Variants in GRM3 observed in about 807,000 individuals in gnomAD.
GRM3 encodes the protein metabotropic glutamate receptor 3.
A neutral mutation model predicts 70.5 loss-of-function variants in GRM3; 26 were observed. The ratio of observed to expected loss-of-function variants is 0.37; its 90% CI spans 0.27 to 0.51. GRM3 has a LOEUF of 0.51. Among genes scored for constraint, GRM3 ranks in the 20% least tolerant of loss-of-function variants. GRM3 has a pLI of 0.93. For synonymous variants in GRM3, 443 were observed against 434.9 expected, an observed-to-expected ratio of 1.02 and a Z score of -0.23; for missense variants, 859 against 1,123.8, an observed-to-expected ratio of 0.76 and a Z score of 3.37.
At chr7:86,757,556 A>AG (rs891214833) in intron 1 of GRM3, among the ~76,000 whole-genome samples, 3 of 152,174 alleles carry the variant, frequency 2.0e-5, no homozygotes, top group Non-Finnish European at 2.9e-5. Flanking sequence ...TATGTCTGCC[A>AG]GGCCTCACTG....
intron 3 of GRM3, among the ~76,000 whole-genome samples, chr7:86,792,245 C>T (rs1226212305): frequency 6.6e-6 from 1 of 152,176 alleles, no homozygotes; most frequent in African/African-American, 2.4e-5. Flanking sequence ...GATGAGCTTG[C>T]CCCTACTTCT....
intron 1 of GRM3, among the ~76,000 whole-genome samples, chr7:86,719,356 A>T (rs537249340): frequency 6.6e-6 from 1 of 152,074 alleles, no homozygotes; most frequent in African/African-American, 2.4e-5. Context: ...CTATTTAGCA[A>T]AATTTTGATC....
At chr7:86,678,910 G>T (rs1794372182) in intron 1 of GRM3, among the ~76,000 whole-genome samples, 1 of 151,978 alleles carries the variant, frequency 6.6e-6, no homozygotes, top group Non-Finnish European at 1.5e-5. Flanking sequence ...TATGGTACAT[G>T]GTTTTTAGGC....
At chr7:86,686,912 C>G (rs1794581512) in intron 1 of GRM3, among the ~76,000 whole-genome samples, 1 of 151,678 alleles carries the variant, frequency 6.6e-6, no homozygotes, top group African/African-American at 2.4e-5. Context: ...ACCTGAAATT[C>G]ATAAATGCAT....
At chr7:86,800,292 A>T (rs1013042262) in intron 3 of GRM3, among the ~76,000 whole-genome samples, 2 of 152,234 alleles carry the variant, frequency 1.3e-5, no homozygotes, top group African/African-American at 4.8e-5. Context: ...CCAAGATCGG[A>T]GAGGAACTGA....
In GRM3 at chr7:86,714,882, G is replaced by A. The variant is rs147929485; in HGVS notation, c.-140-50124G>A. Among the ~76,000 whole-genome samples the A allele has an allele frequency of 1.1e-4, 17 of 152,026 alleles. No individual in the cohort carries two copies. In the East Asian group the frequency reaches 2.7e-3, roughly 24 times the overall value. Reference sequence around the variant, plus strand: ...TAAAGAGGTGAAAATTATAAAAAGAGCTCGATTTAAGCCAATATCCAACTT... The same window carrying A: ...TAAAGAGGTGAAAATTATAAAAAGAACTCGATTTAAGCCAATATCCAACTT... On this transcript the variant is annotated intron_variant, in intron 1 of 5. Transcript: ENST00000361669.
intron 5 of GRM3, among the ~76,000 whole-genome samples, chr7:86,854,577 C>A (rs1467704615): frequency 2.6e-5 from 4 of 152,066 alleles, no homozygotes; most frequent in African/African-American, 7.2e-5. Flanking sequence ...ACCCATGGAT[C>A]AATGATTCCC....
chr7:86,645,132 G>A (rs1383983622), intron 1 of GRM3, among the ~76,000 whole-genome samples: 1 of 152,162 alleles, frequency 6.6e-6, no homozygotes, highest in Middle Eastern at 3.2e-3. Flanking sequence ...GGGTGCGAGA[G>A]GTGAAGGGAC....
rs116686078 is a variant in GRM3 at position 86,837,337 on chromosome 7, T to C, written c.1325-1502T>C. On this transcript the variant is annotated intron_variant, in intron 3 of 5. Transcript: ENST00000361669. Reference sequence around the variant, plus strand: ...TGGATCCAGTTTTCCCTAAACAGTGTTTCCTGGACAGCGTTTCCCTGTAAG... The same window carrying C: ...TGGATCCAGTTTTCCCTAAACAGTGCTTCCTGGACAGCGTTTCCCTGTAAG... Among the ~76,000 whole-genome samples the C allele has an allele frequency of 4.4e-3, 672 of 152,260 alleles. 5 individuals carry two copies. The highest frequency in any genetic ancestry group is 0.016 in the African/African-American group (651 of 41,560).
intron 1 of GRM3, among the ~76,000 whole-genome samples, chr7:86,681,943 G>A (rs1039231283): frequency 6.6e-6 from 1 of 152,142 alleles, no homozygotes; most frequent in African/African-American, 2.4e-5. Flanking sequence ...AGATTCACAG[G>A]TACTGACAAA....
intron 1 of GRM3, among the ~76,000 whole-genome samples, chr7:86,747,300 A>C (rs1796125129): frequency 6.6e-6 from 1 of 152,072 alleles, no homozygotes; most frequent in African/African-American, 2.4e-5. Context: ...TCAAAACAGA[A>C]ATGATAATAG....
intron 1 of GRM3, among the ~76,000 whole-genome samples, chr7:86,720,635 A>G (rs78264203): frequency 0.028 from 4,216 of 152,184 alleles, 75 homozygotes; most frequent in East Asian, 0.063. Context: ...TACCCTTACT[A>G]CTTATCCCCT....
At chr7:86,807,392 C>T (rs554854438) in intron 3 of GRM3, among the ~76,000 whole-genome samples, 2 of 145,152 alleles carry the variant, frequency 1.4e-5, no homozygotes, top group Admixed American at 6.8e-5. Context: ...GAATGTTCTT[C>T]CATTTGTTTG....
At chr7:86,827,115 A>G (rs1470032140) in intron 3 of GRM3, among the ~76,000 whole-genome samples, 6 of 152,248 alleles carry the variant, frequency 3.9e-5, no homozygotes, top group Non-Finnish European at 5.9e-5. Flanking sequence ...AACATATTAT[A>G]GTCCATTTCC....
At chr7:86,684,936 G>A (rs547768854) in intron 1 of GRM3, among the ~76,000 whole-genome samples, 115 of 152,298 alleles carry the variant, frequency 7.6e-4, no homozygotes, top group African/African-American at 2.6e-3. Context: ...GAGATGGTAT[G>A]AGGATTAATT....
At chr7:86,726,143 C>T (rs1795588906) in intron 1 of GRM3, among the ~76,000 whole-genome samples, 1 of 152,182 alleles carries the variant, frequency 6.6e-6, no homozygotes, top group Admixed American at 6.5e-5. Context: ...CCAGAGGTCA[C>T]TCTTTTTACT....
intron 1 of GRM3, among the ~76,000 whole-genome samples, chr7:86,649,187 T>C (rs748701589): frequency 3.9e-5 from 6 of 152,200 alleles, no homozygotes; most frequent in Non-Finnish European, 8.8e-5. Flanking sequence ...AGTATTTTTA[T>C]AGTGCTATTC....
At chr7:86,656,260 C>CTTTTTTTTTTT (rs1165969016) in intron 1 of GRM3, among the ~76,000 whole-genome samples, 4 of 83,274 alleles carry the variant, frequency 4.8e-5, no homozygotes, top group Non-Finnish European at 6.4e-5. Context: ...ATACTATGTT[C>CTTTTTTTTTTT]TTTTTTTTTT....
At chr7:86,817,499 G>A (rs1006262582) in intron 3 of GRM3, among the ~76,000 whole-genome samples, 2 of 151,772 alleles carry the variant, frequency 1.3e-5, no homozygotes, top group Non-Finnish European at 2.9e-5. Flanking sequence ...CTGTTTTGTT[G>A]TCCATTATTT....
Sources: allele counts gnomAD v4.1 joint callset (sites outside exome capture counted in the v4.1 genomes callset), GRCh38; gene constraint gnomAD v4.1.1; transcripts MANE v1.5; gene names NCBI Gene and HGNC (gene_info 2026-07-23, HGNC 2026-07-21).